CSMD1: variants seen among roughly 807,000 people sequenced by gnomAD.
CSMD1 encodes the protein CUB and Sushi multiple domains 1.
A neutral mutation model predicts 417.5 loss-of-function variants in CSMD1; 213 were observed. The ratio of observed to expected loss-of-function variants is 0.51; its 90% CI spans 0.46 to 0.57. CSMD1 has a LOEUF of 0.57. CSMD1 is among the 20% of genes least tolerant of loss of function. The probability of loss-of-function intolerance (pLI) is 0.00; values close to 1 mark genes in which losing one functional copy is unlikely to be tolerated. For synonymous variants in CSMD1, 2,862 were observed against 1,736.8 expected, an observed-to-expected ratio of 1.65 and a Z score of -16.11; for missense variants, 6,923 against 4,529.7, an observed-to-expected ratio of 1.53 and a Z score of -15.17.
chr8:4,659,822 T>C (rs1208335752), intron 1 of CSMD1, among the ~76,000 whole-genome samples: 2 of 152,102 alleles, frequency 1.3e-5, no homozygotes, highest in East Asian at 1.9e-4. Context: ...TTTAAATTAA[T>C]CTATGTAACC....
intron 5 of CSMD1, among the ~76,000 whole-genome samples, chr8:3,761,717 G>A (rs746419515): frequency 6.6e-6 from 1 of 152,008 alleles, no homozygotes; most frequent in Non-Finnish European, 1.5e-5. Flanking sequence ...TGTTGGCCAG[G>A]CTGGTCTCGA....
At chr8:4,819,980 T>G (rs771970635) in intron 1 of CSMD1, among the ~76,000 whole-genome samples, 10 of 152,222 alleles carry the variant, frequency 6.6e-5, no homozygotes, top group Non-Finnish European at 1.2e-4. Context: ...TTATTGTAAT[T>G]GGTAAACCTA....
chr8:3,465,111 T>C (rs140341212), intron 12 of CSMD1, among the ~76,000 whole-genome samples: 13 of 152,298 alleles, frequency 8.5e-5, no homozygotes, highest in African/African-American at 3.1e-4. Flanking sequence ...CGTTTGTTTC[T>C]GTGAATTGTT....
chr8:4,018,969 T>C lies in CSMD1; in HGVS notation c.610+12936A>G, dbSNP rs78706821. ...GTAAACATTGTCTGACATTTTGTGA[T>C]TGCTTTGTGTTTAACTCTGATTACC... On this transcript the variant is annotated intron_variant, in intron 4 of 69. Transcript: ENST00000635120. 6.8e-3 allele frequency among the ~76,000 whole-genome samples: 1,037 copies of C among 152,330 alleles called. 16 individuals are homozygous for C. The highest frequency in any genetic ancestry group is 0.024 in the African/African-American group (991 of 41,576).
At chr8:3,722,050 C>G (rs906092911) in intron 6 of CSMD1, among the ~76,000 whole-genome samples, 1 of 152,100 alleles carries the variant, frequency 6.6e-6, no homozygotes, top group Non-Finnish European at 1.5e-5. Flanking sequence ...GTGTCAGAAG[C>G]ATAAGGAAGA....
intron 2 of CSMD1, among the ~76,000 whole-genome samples, chr8:4,577,927 A>G (rs1799211201): frequency 6.6e-6 from 1 of 152,220 alleles, no homozygotes; most frequent in Non-Finnish European, 1.5e-5. Flanking sequence ...CCTTAGTGCA[A>G]TTATGATATT....
chr8:3,937,794 A>C (rs1256072766), intron 5 of CSMD1, among the ~76,000 whole-genome samples: 1 of 152,136 alleles, frequency 6.6e-6, no homozygotes. Context: ...CTCACATAGA[A>C]TGTTACTTCA....
chr8:3,111,104 A>T (rs1816486731), intron 42 of CSMD1, among the ~76,000 whole-genome samples: 1 of 152,200 alleles, frequency 6.6e-6, no homozygotes, highest in Non-Finnish European at 1.5e-5. Flanking sequence ...AACAGCTAAG[A>T]GGTGTGAGAT....
At chr8:4,108,739 G>A (rs576839872) in intron 3 of CSMD1, among the ~76,000 whole-genome samples, 1 of 151,524 alleles carries the variant, frequency 6.6e-6, no homozygotes, top group Non-Finnish European at 1.5e-5. Context: ...ACCGACTTTT[G>A]TTACATTTAG....
chr8:4,689,762 A>G (rs1054039947), intron 1 of CSMD1, among the ~76,000 whole-genome samples: 1 of 152,154 alleles, frequency 6.6e-6, no homozygotes, highest in Non-Finnish European at 1.5e-5. Context: ...GACCTCTTCT[A>G]TTAAAATGAT....
intron 3 of CSMD1, among the ~76,000 whole-genome samples, chr8:4,213,773 G>A (rs1800465404): frequency 6.6e-6 from 1 of 152,188 alleles, no homozygotes; most frequent in African/African-American, 2.4e-5. Flanking sequence ...TTCCCTGCCA[G>A]CTGTGGTGAG....
chr8:3,414,100 C>T (rs1812977466), intron 12 of CSMD1, among the ~76,000 whole-genome samples: 2 of 148,320 alleles, frequency 1.3e-5, no homozygotes, highest in South Asian at 4.3e-4. Flanking sequence ...GATCGCGACA[C>T]TGCAGTCCAG....
intron 1 of CSMD1, among the ~76,000 whole-genome samples, chr8:4,939,286 G>T (rs1268537370): frequency 6.6e-6 from 1 of 152,178 alleles, no homozygotes; most frequent in Non-Finnish European, 1.5e-5. Flanking sequence ...ATATGATGCA[G>T]CAATCCTACT....
chr8:3,119,440 A>G (rs1387904584), intron 41 of CSMD1, among the ~76,000 whole-genome samples: 1 of 149,312 alleles, frequency 6.7e-6, no homozygotes, highest in Non-Finnish European at 1.5e-5. Flanking sequence ...GCTGACAACT[A>G]CTATCAGTAC....
intron 3 of CSMD1, among the ~76,000 whole-genome samples, chr8:4,404,549 T>G (rs1169877670): frequency 3.3e-5 from 5 of 152,186 alleles, no homozygotes; most frequent in South Asian, 4.1e-4. Flanking sequence ...TGTTTAATAT[T>G]AAATATGAAC....
chr8:3,542,230 A>G (rs1490267408), intron 10 of CSMD1, among the ~76,000 whole-genome samples: 1 of 152,138 alleles, frequency 6.6e-6, no homozygotes, highest in African/African-American at 2.4e-5. Flanking sequence ...ATCAATGACT[A>G]TTTGTGACAT....
chr8:3,901,597 T>C (rs1015208249), intron 5 of CSMD1, among the ~76,000 whole-genome samples: 5 of 152,346 alleles, frequency 3.3e-5, no homozygotes, highest in African/African-American at 1.2e-4. Flanking sequence ...GGGGCTCAGA[T>C]CTTTTGATAG....
At chr8:3,108,471 C>T (rs528351683) in intron 44 of CSMD1, 132 bp downstream of exon 44, 193 of 805,464 alleles carry the variant, frequency 2.4e-4, no homozygotes, top group Non-Finnish European at 2.0e-4. Context: ...ACGCTGGCCT[C>T]CAGTGCAAAA....
chr8:4,077,457 T>C (rs1361331905), intron 3 of CSMD1, among the ~76,000 whole-genome samples: 2 of 151,900 alleles, frequency 1.3e-5, no homozygotes, highest in South Asian at 2.1e-4. Context: ...ATACATATCA[T>C]TACTCTTAAA....
Sources: allele counts gnomAD v4.1 joint callset (sites outside exome capture counted in the v4.1 genomes callset), GRCh38; gene constraint gnomAD v4.1.1; transcripts MANE v1.5; gene names NCBI Gene and HGNC (gene_info 2026-07-23, HGNC 2026-07-21).